Variants in FNDC3A observed in about 807,000 individuals in gnomAD.
FNDC3A encodes the protein fibronectin type III domain containing 3A.
A neutral mutation model predicts 148.9 loss-of-function variants in FNDC3A; 32 were observed. That is an observed-to-expected ratio of 0.21 (90% CI 0.16 to 0.29). The LOEUF is 0.29. Ranked by LOEUF, FNDC3A falls within the 10% of genes least tolerant of loss-of-function variation. FNDC3A has a pLI of 1.00. For synonymous variants in FNDC3A, 472 were observed against 473.6 expected (o/e 1.00, Z 0.04); for missense variants, 1,191 against 1,452.8 (o/e 0.82, Z 2.93).
chr13:49,130,854 C>T (rs1477176750), intron 4 of FNDC3A, among the ~76,000 whole-genome samples: 3 of 152,072 alleles, frequency 2.0e-5, no homozygotes, highest in African/African-American at 7.2e-5. Flanking sequence ...CTGCAACCTC[C>T]ACCTCCCAGG....
chr13:48,992,844 A>G (rs1245955194), intron 1 of FNDC3A, among the ~76,000 whole-genome samples: 2 of 152,126 alleles, frequency 1.3e-5, no homozygotes, highest in Non-Finnish European at 2.9e-5. Context: ...AGTAATGGCA[A>G]AAACCACAAT....
intron 23 of FNDC3A, among the ~76,000 whole-genome samples, chr13:49,201,535 A>G (rs1356477409): frequency 6.6e-6 from 1 of 152,158 alleles, no homozygotes; most frequent in Admixed American, 6.5e-5. Context: ...CTGAGAAGAA[A>G]CAGTTATGGT....
chr13:49,205,131 C>T (rs1008230802), intron 25 of FNDC3A, among the ~76,000 whole-genome samples: 9 of 152,138 alleles, frequency 5.9e-5, no homozygotes, highest in South Asian at 2.1e-4. Flanking sequence ...TGTCACACAC[C>T]TACAGTGGTC....
intron 2 of FNDC3A, among the ~76,000 whole-genome samples, chr13:49,065,065 C>A (rs1162580737): frequency 6.6e-6 from 1 of 152,196 alleles, no homozygotes; most frequent in Non-Finnish European, 1.5e-5. Flanking sequence ...TGCGTCAAAT[C>A]AGCAAACATT....
At chr13:49,018,297 G>A (rs536284585) in intron 2 of FNDC3A, among the ~76,000 whole-genome samples, 7 of 152,188 alleles carry the variant, frequency 4.6e-5, no homozygotes, top group East Asian at 3.9e-4. Flanking sequence ...GGCTTTATTC[G>A]TTTCTTTTTA....
intron 1 of FNDC3A, among the ~76,000 whole-genome samples, chr13:48,999,333 C>G (rs776716425): frequency 6.6e-6 from 1 of 152,196 alleles, no homozygotes; most frequent in Non-Finnish European, 1.5e-5. Context: ...CATGTCACCC[C>G]TTTCTTTAAT....
In FNDC3A at chr13:49,160,356, T is replaced by C. The variant is rs187375869; in HGVS notation, c.978-6888T>C. Reference sequence around the variant, plus strand: ...CCTGGTTTAGTCTTGGGAGGGTGTATGTGTCCAGGAATTTATCTGTTTCTT... The same window carrying C: ...CCTGGTTTAGTCTTGGGAGGGTGTACGTGTCCAGGAATTTATCTGTTTCTT... On this transcript the variant is annotated intron_variant, in intron 8 of 25. Transcript: ENST00000492622. Among the ~76,000 whole-genome samples the C allele has an allele frequency of 6.3e-3, 963 of 152,330 alleles. 11 individuals carry two copies. The highest frequency in any genetic ancestry group is 0.022 in the African/African-American group (920 of 41,576).
At chr13:49,117,985 T>G (rs1881075689) in intron 4 of FNDC3A, among the ~76,000 whole-genome samples, 1 of 152,188 alleles carries the variant, frequency 6.6e-6, no homozygotes, top group South Asian at 2.1e-4. Context: ...GTCACATAAA[T>G]TAATGAATTT....
chr13:49,010,363 T>C (rs916518284), intron 2 of FNDC3A, among the ~76,000 whole-genome samples: 1 of 152,160 alleles, frequency 6.6e-6, no homozygotes, highest in Non-Finnish European at 1.5e-5. Context: ...GGTTTGCATA[T>C]AAGAAGTATG....
intron 3 of FNDC3A, among the ~76,000 whole-genome samples, chr13:49,080,278 G>A (rs1248174531): frequency 6.6e-6 from 1 of 151,838 alleles, no homozygotes; most frequent in East Asian, 1.9e-4. Context: ...TTTGGATAAG[G>A]CACCACTCTT....
chr13:48,993,586 C>T (rs1181304687), intron 1 of FNDC3A, among the ~76,000 whole-genome samples: 3 of 152,106 alleles, frequency 2.0e-5, no homozygotes, highest in Non-Finnish European at 4.4e-5. Flanking sequence ...TTTTACCATA[C>T]ATGAACTTTT....
chr13:49,075,294 T>A lies in FNDC3A; in HGVS notation c.105T>A (p.Ile35=). Residue 35 remains isoleucine, a synonymous_variant, in exon 3 of 26, where the codon ATT becomes ATA. Coordinates refer to ENST00000492622, the MANE Select transcript of FNDC3A (RefSeq NM_001079673.2). The stretch of plus-strand genomic sequence containing the variant: ...TTCTTCCCCTCATTTTTAAGGTTAT[T>A]CTGGTACAAGTTAACCCAGGAGAAG... ...IVSADGTQQV[I]LVQVNPGEAF... 2 of 1,590,992 alleles carry A rather than the reference T, an allele frequency of 1.3e-6. No homozygotes were observed.
chr13:49,044,635 G>A (rs531355161), intron 2 of FNDC3A: 4 of 205,094 alleles, frequency 2.0e-5, no homozygotes, highest in Non-Finnish European at 3.0e-5. Context: ...GTGTCACTGC[G>A]CTCCAGCCTG....
intron 14 of FNDC3A, among the ~76,000 whole-genome samples, chr13:49,184,628 C>T (rs949280553): frequency 6.6e-6 from 1 of 152,070 alleles, no homozygotes; most frequent in East Asian, 1.9e-4. Context: ...AAGCCCTGAG[C>T]TTATAAAATG....
At chr13:49,015,511 G>T (rs1188341749) in intron 2 of FNDC3A, among the ~76,000 whole-genome samples, 2 of 152,160 alleles carry the variant, frequency 1.3e-5, no homozygotes, top group Non-Finnish European at 2.9e-5. Flanking sequence ...TGAGACAGTG[G>T]GGTTTTCTCG....
At chr13:49,024,873 G>T (rs1265554740) in intron 2 of FNDC3A, among the ~76,000 whole-genome samples, 1 of 151,742 alleles carries the variant, frequency 6.6e-6, no homozygotes, top group African/African-American at 2.4e-5. Flanking sequence ...TTATACTGTT[G>T]TTTTTCCTTT....
chr13:49,106,799 A>G (rs1184513176), intron 3 of FNDC3A, among the ~76,000 whole-genome samples: 1 of 150,128 alleles, frequency 6.7e-6, no homozygotes, highest in Non-Finnish European at 1.5e-5. Flanking sequence ...AAAAACCAAC[A>G]ACAACAGAAA....
chr13:49,160,510 T>A (rs902233726), intron 8 of FNDC3A, among the ~76,000 whole-genome samples: 8 of 151,782 alleles, frequency 5.3e-5, no homozygotes, highest in African/African-American at 1.9e-4. Flanking sequence ...CTTCTCTCTT[T>A]TCTTCTTTAT....
intron 3 of FNDC3A, among the ~76,000 whole-genome samples, chr13:49,109,330 G>T (rs958545204): frequency 3.9e-5 from 6 of 152,092 alleles, no homozygotes; most frequent in Non-Finnish European, 4.4e-5. Flanking sequence ...GATTAACCTT[G>T]TCACTGAAAT....
Sources: allele counts gnomAD v4.1 joint callset (sites outside exome capture counted in the v4.1 genomes callset), GRCh38; gene constraint gnomAD v4.1.1; transcripts MANE v1.5; gene names NCBI Gene and HGNC (gene_info 2026-07-23, HGNC 2026-07-21).